NREP: variants seen among roughly 807,000 people sequenced by gnomAD.
NREP encodes neuronal regeneration-related protein.
A neutral mutation model predicts 8.6 loss-of-function variants in NREP; 5 were observed. The ratio of observed to expected loss-of-function variants is 0.58; its 90% confidence interval spans 0.30 to 1.22. NREP has a LOEUF of 1.22. Ranked by LOEUF, NREP falls within the 50% of genes most tolerant of loss-of-function variation. The pLI, the probability that NREP is intolerant of heterozygous loss-of-function variation, is 0.07. For missense variants in NREP, 86 were observed against 82.5 expected, an observed-to-expected ratio of 1.04 and a Z score of -0.17; for synonymous variants, 27 against 28.0, an observed-to-expected ratio of 0.96 and a Z score of 0.11.
chr5:111,889,354 G>C (rs1330796591), intron 2 of NREP, among the ~76,000 whole-genome samples: 1 of 152,148 alleles, frequency 6.6e-6, no homozygotes, highest in African/African-American at 2.4e-5. Context: ...ACATTACCAA[G>C]AAGGTGGCAC....
chr5:111,890,296 G>T (rs573523824), intron 2 of NREP, among the ~76,000 whole-genome samples: 1 of 152,284 alleles, frequency 6.6e-6, no homozygotes, highest in East Asian at 1.9e-4. Context: ...TCAAAGCCTT[G>T]GGCAGCTCTG....
intron 2 of NREP, among the ~76,000 whole-genome samples, chr5:111,867,114 G>A (rs1753684829): frequency 6.6e-6 from 1 of 151,326 alleles, no homozygotes. Flanking sequence ...CCTGCACGTT[G>A]TGCACATGTA....
At chr5:111,925,686 A>C (rs1398556416) in intron 2 of NREP, among the ~76,000 whole-genome samples, 1 of 152,150 alleles carries the variant, frequency 6.6e-6, no homozygotes, top group Non-Finnish European at 1.5e-5. Context: ...TAGCCTTTCC[A>C]TGAAAGCCAA....
chr5:111,788,698 T>C (rs1751671770), intron 2 of NREP, among the ~76,000 whole-genome samples: 1 of 152,204 alleles, frequency 6.6e-6, no homozygotes, highest in Non-Finnish European at 1.5e-5. Flanking sequence ...ATTTCAAAAT[T>C]ACACACATGG....
At chr5:111,907,056 C>T (rs1389853258) in intron 2 of NREP, among the ~76,000 whole-genome samples, 1 of 152,094 alleles carries the variant, frequency 6.6e-6, no homozygotes, top group Non-Finnish European at 1.5e-5. Flanking sequence ...AGGCATGAGC[C>T]ATCACACCCA....
chr5:111,856,743 T>C (rs1263066575), intron 2 of NREP, among the ~76,000 whole-genome samples: 2 of 152,146 alleles, frequency 1.3e-5, no homozygotes, highest in African/African-American at 2.4e-5. Flanking sequence ...TTTTTTTTTT[T>C]TAACTTGAAA....
intron 2 of NREP, among the ~76,000 whole-genome samples, chr5:111,922,221 T>C (rs1755259742): frequency 1.3e-5 from 2 of 152,102 alleles, no homozygotes; most frequent in Non-Finnish European, 2.9e-5. Context: ...TTTGATAATG[T>C]CATTTTTTTC....
chr5:111,970,455 T>G (rs751964663), intron 2 of NREP, among the ~76,000 whole-genome samples: 1 of 152,156 alleles, frequency 6.6e-6, no homozygotes, highest in Non-Finnish European at 1.5e-5. Context: ...TCCTAAGGAC[T>G]TCCAGGCCTC....
intron 2 of NREP, among the ~76,000 whole-genome samples, chr5:111,942,190 G>A (rs957744924): frequency 6.6e-6 from 1 of 151,890 alleles, no homozygotes. Flanking sequence ...ATTGCTATTT[G>A]TTAATAAAAT....
chr5:111,792,468 A>G (rs1751773758), intron 2 of NREP, among the ~76,000 whole-genome samples: 1 of 152,206 alleles, frequency 6.6e-6, no homozygotes, highest in Admixed American at 6.5e-5. Flanking sequence ...TGTGTAGCTT[A>G]AACTTGGATG....
At chr5:111,836,162 T>C (rs1040032756) in intron 2 of NREP, among the ~76,000 whole-genome samples, 4 of 152,126 alleles carry the variant, frequency 2.6e-5, no homozygotes, top group African/African-American at 7.2e-5. Context: ...GTTTGCAATC[T>C]AGTTCAGGTA....
chr5:111,882,144 T>C (rs6863567), intron 2 of NREP, among the ~76,000 whole-genome samples: 16,657 of 152,172 alleles, frequency 0.11, 1,376 homozygotes, highest in African/African-American at 0.23. Context: ...AAGGAGCTGA[T>C]GGAGCTGAAA....
chr5:111,944,163 T>C (rs931788622), intron 2 of NREP, among the ~76,000 whole-genome samples: 1 of 152,128 alleles, frequency 6.6e-6, no homozygotes, highest in Admixed American at 6.5e-5. Context: ...TTCTCTTTTA[T>C]TGCTGTAACA....
At chr5:111,735,234 G>T (rs1303677206) in intron 3 of NREP, 196 bp downstream of exon 3, 1 of 441,734 alleles carries the variant, frequency 2.3e-6, no homozygotes, top group Admixed American at 3.7e-5. Flanking sequence ...TATGAAGGAA[G>T]ATAATGTGAA....
intron 2 of NREP, among the ~76,000 whole-genome samples, chr5:111,843,694 C>T (rs1156441047): frequency 1.3e-5 from 2 of 152,150 alleles, no homozygotes; most frequent in Non-Finnish European, 2.9e-5. Flanking sequence ...TCTTTACAGA[C>T]TGGCTTTAGC....
intron 2 of NREP, among the ~76,000 whole-genome samples, chr5:111,892,117 A>G (rs1348698100): frequency 6.6e-6 from 1 of 152,226 alleles, no homozygotes; most frequent in Non-Finnish European, 1.5e-5. Flanking sequence ...ACTCTCATTC[A>G]TGAAAATTAA....
chr5:111,847,069 C>T (rs1304077328), intron 2 of NREP, among the ~76,000 whole-genome samples: 1 of 151,894 alleles, frequency 6.6e-6, no homozygotes, highest in Non-Finnish European at 1.5e-5. Context: ...GCTTCAGTTC[C>T]ATGAGGCTAC....
chr5:111,758,730 ATGTC>A (rs1411613107), upstream of NREP, among the ~76,000 whole-genome samples: 7 of 152,250 alleles, frequency 4.6e-5, no homozygotes, highest in African/African-American at 9.6e-5. Flanking sequence ...TGTTTACAGA[ATGTC>A]TGATGTTTTA....
chr5:111,742,826 T>A (rs1349378846), intron 2 of NREP, among the ~76,000 whole-genome samples: 1 of 152,004 alleles, frequency 6.6e-6, no homozygotes, highest in Non-Finnish European at 1.5e-5. Context: ...AGAGCACATT[T>A]AGCACAAAGC....
Sources: gnomAD v4.1 joint callset for allele counts (sites outside exome capture counted in the v4.1 genomes callset) on GRCh38, gnomAD v4.1.1 for gene constraint, MANE v1.5 for transcripts, NCBI Gene and HGNC (gene_info 2026-07-23, HGNC 2026-07-21) for gene names.